The following EXOC4 variants were observed in gnomAD, a reference collection of about 807,000 sequenced individuals.
The protein encoded by EXOC4 is SEC8-like 1.
In EXOC4, 71 loss-of-function variants were observed where a neutral mutation model predicts 107.2. That is an observed-to-expected ratio of 0.66 (90% CI 0.55 to 0.81). The LOEUF is 0.81. EXOC4 is among the 30% of genes least tolerant of loss of function. The pLI, the probability that EXOC4 is intolerant of heterozygous loss-of-function variation, is 0.00. For synonymous variants in EXOC4, 456 were observed against 441.2 expected (o/e 1.03, Z -0.42); for missense variants, 1,108 against 1,189.6 (o/e 0.93, Z 1.01).
At chr7:133,984,142 C>T (rs1794060582) in intron 14 of EXOC4, among the ~76,000 whole-genome samples, 1 of 152,290 alleles carries the variant, frequency 6.6e-6, no homozygotes, top group Middle Eastern at 3.4e-3. Flanking sequence ...TCCTTGGGGA[C>T]CTAGGGCTTG....
At chr7:133,352,598 G>A (rs975296277) in intron 5 of EXOC4, among the ~76,000 whole-genome samples, 2 of 151,888 alleles carry the variant, frequency 1.3e-5, no homozygotes, top group African/African-American at 2.4e-5. Flanking sequence ...CATTCTACCA[G>A]TCTCTGTCTT....
At chr7:133,471,813 T>C (rs995169700) in intron 7 of EXOC4, among the ~76,000 whole-genome samples, 5 of 152,110 alleles carry the variant, frequency 3.3e-5, no homozygotes, top group Admixed American at 2.0e-4. Flanking sequence ...AAGGAACATA[T>C]AAATTGGGGG....
intron 10 of EXOC4, among the ~76,000 whole-genome samples, chr7:133,789,268 T>G (rs1358024655): frequency 2.0e-5 from 3 of 152,186 alleles, no homozygotes; most frequent in Non-Finnish European, 2.9e-5. Flanking sequence ...AGTTTATTCT[T>G]TATCTAAAAA....
At chr7:133,944,573 C>G (rs561707689) in intron 14 of EXOC4, among the ~76,000 whole-genome samples, 55 of 152,256 alleles carry the variant, frequency 3.6e-4, no homozygotes, top group African/African-American at 1.3e-3. Context: ...CTAGGCAGTT[C>G]CTTCCAAATT....
intron 5 of EXOC4, among the ~76,000 whole-genome samples, chr7:133,330,383 G>C (rs972117903): frequency 2.0e-5 from 3 of 151,994 alleles, no homozygotes; most frequent in Non-Finnish European, 2.9e-5. Flanking sequence ...GGGACCCACT[G>C]AGCCAGAACT....
chr7:133,960,682 G>A (rs1258133325), intron 14 of EXOC4, among the ~76,000 whole-genome samples: 1 of 152,140 alleles, frequency 6.6e-6, no homozygotes, highest in Non-Finnish European at 1.5e-5. Flanking sequence ...ACTTGATCAT[G>A]GCGGGTTATC....
At chr7:134,056,111 T>G (rs1488520536) in intron 17 of EXOC4, among the ~76,000 whole-genome samples, 6 of 152,202 alleles carry the variant, frequency 3.9e-5, no homozygotes, top group African/African-American at 1.2e-4. Context: ...TTGGGTTAAA[T>G]GATATGTAGC....
chr7:133,328,642 C>A (rs886871019), intron 5 of EXOC4, among the ~76,000 whole-genome samples: 1 of 152,098 alleles, frequency 6.6e-6, no homozygotes, highest in Admixed American at 6.5e-5. Flanking sequence ...TCAGCATTTG[C>A]TTGTGTGTAA....
intron 5 of EXOC4, among the ~76,000 whole-genome samples, chr7:133,337,456 T>TA (rs553634655): frequency 6.6e-4 from 101 of 152,240 alleles, no homozygotes; most frequent in Admixed American, 2.4e-3. Context: ...TTGGTCTTTT[T>TA]AAGCATTTTT....
At chr7:133,729,497 T>C (rs1373461783) in intron 10 of EXOC4, among the ~76,000 whole-genome samples, 2 of 152,050 alleles carry the variant, frequency 1.3e-5, no homozygotes, top group Non-Finnish European at 2.9e-5. Context: ...GCCAGGTAAA[T>C]ATATATTTAA....
At chr7:134,089,932 A>G in the EXOC4 span, among the ~76,000 whole-genome samples, 1 of 152,226 alleles carries the variant, frequency 6.6e-6, no homozygotes, top group Non-Finnish European at 1.5e-5. Context: ...GCAGTTTATG[A>G]CCTTAAAGCA....
At chr7:134,002,853 C>CT (rs767294333) in intron 15 of EXOC4, among the ~76,000 whole-genome samples, 3 of 151,772 alleles carry the variant, frequency 2.0e-5, no homozygotes, top group Non-Finnish European at 2.9e-5. Context: ...ACAACTGGAA[C>CT]TTTTGTATAC....
intron 10 of EXOC4, among the ~76,000 whole-genome samples, chr7:133,708,191 G>T (rs1441975414): frequency 6.6e-6 from 1 of 152,176 alleles, no homozygotes; most frequent in Non-Finnish European, 1.5e-5. Flanking sequence ...GGAAGAATAT[G>T]TGGTCAATAC....
At chr7:133,487,818 T>A (rs1240166130) in intron 9 of EXOC4, among the ~76,000 whole-genome samples, 2 of 152,164 alleles carry the variant, frequency 1.3e-5, no homozygotes, top group Non-Finnish European at 2.9e-5. Flanking sequence ...TTAACTTATA[T>A]CTCATATTTT....
At chr7:133,488,821 A>G (rs570876692) in intron 9 of EXOC4, among the ~76,000 whole-genome samples, 2 of 151,860 alleles carry the variant, frequency 1.3e-5, no homozygotes, top group Non-Finnish European at 2.9e-5. Flanking sequence ...TGAATGAACT[A>G]TGCTATACAT....
chr7:133,844,255 G>A (rs564738964), intron 11 of EXOC4, among the ~76,000 whole-genome samples: 1 of 151,342 alleles, frequency 6.6e-6, no homozygotes, highest in Admixed American at 6.6e-5. Context: ...ACATCTGGTA[G>A]AATTCAGCTC....
At chr7:133,466,349 A>T (rs1798727994) in intron 7 of EXOC4, among the ~76,000 whole-genome samples, 1 of 152,114 alleles carries the variant, frequency 6.6e-6, no homozygotes, top group Admixed American at 6.5e-5. Context: ...CAAAAGAGAG[A>T]AGTCTAAAGA....
intron 9 of EXOC4, among the ~76,000 whole-genome samples, chr7:133,522,513 T>C (rs917176451): frequency 6.6e-6 from 1 of 152,040 alleles, no homozygotes; most frequent in Non-Finnish European, 1.5e-5. Flanking sequence ...AATAATATAT[T>C]ATCATATATA....
At chr7:134,030,619 A>C (rs1795246455) in intron 17 of EXOC4, among the ~76,000 whole-genome samples, 1 of 152,216 alleles carries the variant, frequency 6.6e-6, no homozygotes, top group African/African-American at 2.4e-5. Context: ...TTAATGACAA[A>C]GGCTTGGAGC....
Sources: allele counts gnomAD v4.1 joint callset (sites outside exome capture counted in the v4.1 genomes callset), GRCh38; gene constraint gnomAD v4.1.1; transcripts MANE v1.5; gene names NCBI Gene and HGNC (gene_info 2026-07-23, HGNC 2026-07-21).